RABGAP1L: variants seen among roughly 807,000 people sequenced by gnomAD.
The protein encoded by RABGAP1L is rab GTPase-activating protein 1-like.
A neutral mutation model predicts 137.7 loss-of-function variants in RABGAP1L; 63 were observed. That is an observed-to-expected ratio of 0.46 (90% confidence interval 0.37 to 0.56). RABGAP1L has a LOEUF of 0.56. Ranked by LOEUF, RABGAP1L falls within the 20% of genes least tolerant of loss-of-function variation. The pLI is 0.00. For missense variants in RABGAP1L, 1,095 were observed against 1,244.0 expected (o/e 0.88, Z 1.80); for synonymous variants, 431 against 433.7 (o/e 0.99, Z 0.08).
At chr1:174,803,066 T>TA (rs1688905860) in intron 18 of RABGAP1L, among the ~76,000 whole-genome samples, 1 of 152,194 alleles carries the variant, frequency 6.6e-6, no homozygotes, top group Non-Finnish European at 1.5e-5. Flanking sequence ...TATTTTTTTT[T>TA]CATCATAAAA....
chr1:174,384,021 A>G (rs948759306), intron 12 of RABGAP1L, among the ~76,000 whole-genome samples: 1 of 152,302 alleles, frequency 6.6e-6, no homozygotes, highest in South Asian at 2.1e-4. Context: ...CAAACTGCAA[A>G]CAACCCAAAT....
At chr1:174,744,649 A>G (rs1683728943) in intron 17 of RABGAP1L, among the ~76,000 whole-genome samples, 1 of 152,224 alleles carries the variant, frequency 6.6e-6, no homozygotes, top group African/African-American at 2.4e-5. Flanking sequence ...ATAAGGAACC[A>G]GTAGACATAT....
At chr1:174,377,552 A>G (rs1685655626) in intron 12 of RABGAP1L, among the ~76,000 whole-genome samples, 1 of 152,202 alleles carries the variant, frequency 6.6e-6, no homozygotes, top group African/African-American at 2.4e-5. Flanking sequence ...CGCAATCTAA[A>G]CAGACATTTT....
chr1:174,663,104 A>G (rs1051622019), intron 14 of RABGAP1L, among the ~76,000 whole-genome samples: 1 of 152,226 alleles, frequency 6.6e-6, no homozygotes, highest in Non-Finnish European at 1.5e-5. Context: ...TACAGTATTT[A>G]TAAAGGCTGC....
chr1:174,220,810 G>T, intron 2 of RABGAP1L, 162 bp from the exon 3 acceptor site: 1 of 514,268 alleles, frequency 1.9e-6, no homozygotes. Flanking sequence ...TTATAACCAG[G>T]ATTTTAATGT....
chr1:174,349,092 GCCGGGCGGGGGGCTGACACCCCCACCTC>G (rs1222771312), intron 11 of RABGAP1L, among the ~76,000 whole-genome samples: 2 of 141,034 alleles, frequency 1.4e-5, no homozygotes, highest in African/African-American at 5.4e-5. Flanking sequence ...GGGGCGGCTG[GCCGGGCGGGGGGCTGACACCCCCACCTC>G]CCGGACGGGG....
chr1:174,537,659 G>C (rs1664995711), intron 13 of RABGAP1L, among the ~76,000 whole-genome samples: 1 of 152,202 alleles, frequency 6.6e-6, no homozygotes, highest in Non-Finnish European at 1.5e-5. Flanking sequence ...GAGAGGTGTA[G>C]AGTGGTGCTA....
intron 18 of RABGAP1L, among the ~76,000 whole-genome samples, chr1:174,789,202 C>T (rs757468549): frequency 6.6e-6 from 1 of 152,146 alleles, no homozygotes. Flanking sequence ...ATGGTCTCTG[C>T]ATTTTTCTGT....
chr1:174,401,044 C>G (rs1364425978), intron 13 of RABGAP1L, among the ~76,000 whole-genome samples: 1 of 151,898 alleles, frequency 6.6e-6, no homozygotes, highest in Non-Finnish European at 1.5e-5. Flanking sequence ...AGCTGTAGAC[C>G]AACTGATAAC....
intron 1 of RABGAP1L, among the ~76,000 whole-genome samples, chr1:174,184,300 A>G (rs1666627541): frequency 1.3e-5 from 2 of 152,226 alleles, no homozygotes; most frequent in Non-Finnish European, 2.9e-5. Flanking sequence ...CATCTACTGA[A>G]GGACATTTTG....
At chr1:174,615,342 C>G (rs964118865) in intron 13 of RABGAP1L, among the ~76,000 whole-genome samples, 2 of 152,218 alleles carry the variant, frequency 1.3e-5, no homozygotes, top group Non-Finnish European at 1.5e-5. Flanking sequence ...GATGTCCACT[C>G]CAGACCCTAT....
chr1:174,410,570 T>C (rs1387623835), intron 13 of RABGAP1L, among the ~76,000 whole-genome samples: 1 of 152,194 alleles, frequency 6.6e-6, no homozygotes, highest in Non-Finnish European at 1.5e-5. Flanking sequence ...TGTGGCTTTA[T>C]TTCTGCGTTC....
Position 174,916,076 on chromosome 1 carries a change from GT to G in RABGAP1L, c.2341-41365del, listed in dbSNP as rs372029582. On this transcript the variant is annotated intron_variant, in intron 19 of 25. Coordinates refer to ENST00000681986, the MANE Select transcript of RABGAP1L (RefSeq NM_001366446.1). ...TAAGTCTATAATAAATTTTTCTTTA[GT>G]TTTTTTTTTTTTTTTGGTATGGTAT... is the stretch of plus-strand genomic sequence containing the variant. Among the ~76,000 whole-genome samples the G allele has an allele frequency of 3.9e-3, 445 of 113,564 alleles. 1 individual carries two copies. Among genetic ancestry groups the G allele is most frequent in the Middle Eastern group, 0.017 (3 of 180 alleles). 74.5% of individuals were successfully genotyped at this position (113,564 alleles called of 152,430 possible).
chr1:174,739,832 AT>A (rs887868992), intron 17 of RABGAP1L, among the ~76,000 whole-genome samples: 2 of 152,236 alleles, frequency 1.3e-5, no homozygotes, highest in Non-Finnish European at 2.9e-5. Context: ...ATGAAACTAT[AT>A]ACTCAAAAGT....
At chr1:174,681,264 A>G (rs1268476541) in intron 14 of RABGAP1L, among the ~76,000 whole-genome samples, 1 of 152,256 alleles carries the variant, frequency 6.6e-6, no homozygotes, top group Non-Finnish European at 1.5e-5. Context: ...CGCTGTGTAT[A>G]TATTTACAGC....
rs577682822 is a variant in RABGAP1L at position 174,993,062 on chromosome 1, T to TATC, written c.*3062_*3064dup. 3 of 152,248 alleles carry TATC rather than the reference T, an allele frequency of 2.0e-5. No individual in the cohort carries two copies. The South Asian group carries it at 6.2e-4, about 31-fold the overall frequency. The allele number at this position is 152,248 out of a possible 1,614,324, so 9.4% of individuals were successfully genotyped here. A position where few individuals can be genotyped will look rare whatever the true frequency, so the allele number is the denominator to read the frequency against. Reference sequence around the variant, plus strand: ...TCATAATTCAGTTCATCAGCTTTTGTATCTTGAGAATCTAAACACGTCTTT... The same window carrying TATC: ...TCATAATTCAGTTCATCAGCTTTTGTATCATCTTGAGAATCTAAACACGTCTTT... On this transcript the variant is annotated 3_prime_UTR_variant, in exon 26 of 26. Transcript: ENST00000681986.
chr1:174,512,378 T>C (rs1250062688), intron 13 of RABGAP1L, among the ~76,000 whole-genome samples: 1 of 152,224 alleles, frequency 6.6e-6, no homozygotes. Context: ...TCTTGTTATA[T>C]ATTTTCCAAT....
intron 13 of RABGAP1L, among the ~76,000 whole-genome samples, chr1:174,486,626 A>T (rs1015722514): frequency 6.6e-6 from 1 of 151,854 alleles, no homozygotes; most frequent in Non-Finnish European, 1.5e-5. Flanking sequence ...GATTACAGAC[A>T]TGAGCTACCG....
At chr1:174,278,845 T>A in intron 10 of RABGAP1L, 66 bp downstream of exon 10, 2 of 1,255,960 alleles carry the variant, frequency 1.6e-6, no homozygotes, top group Non-Finnish European at 1.1e-6. Context: ...TCTTTTTTAA[T>A]GCCAAGATAA....
Sources: gnomAD v4.1 joint callset for allele counts (sites outside exome capture counted in the v4.1 genomes callset) on GRCh38, gnomAD v4.1.1 for gene constraint, MANE v1.5 for transcripts, NCBI Gene and HGNC (gene_info 2026-07-23, HGNC 2026-07-21) for gene names.